Variants in LTBP1 observed in about 807,000 individuals in gnomAD.
LTBP1 encodes the protein latent transforming growth factor beta binding protein 1.
LTBP1 carries 129 observed loss-of-function variants against 207.6 expected under a neutral mutation model. The observed-to-expected ratio is 0.62, with a 90% CI of 0.54 to 0.72. LTBP1 has a LOEUF of 0.72. LTBP1 is among the 30% of genes least tolerant of loss of function. LTBP1 has a pLI of 0.00. For synonymous variants in LTBP1, 963 were observed against 833.7 expected, an observed-to-expected ratio of 1.16 and a Z score of -2.67; for missense variants, 2,281 against 2,217.2, an observed-to-expected ratio of 1.03 and a Z score of -0.58.
At chr2:33,142,439 G>C (rs973541921) in intron 5 of LTBP1, among the ~76,000 whole-genome samples, 1 of 152,126 alleles carries the variant, frequency 6.6e-6, no homozygotes, top group African/African-American at 2.4e-5. Flanking sequence ...AATAAAATTG[G>C]TTCTTGCTTG....
At chr2:33,219,861 T>A (rs764203627) in intron 8 of LTBP1, among the ~76,000 whole-genome samples, 5 of 151,088 alleles carry the variant, frequency 3.3e-5, no homozygotes, top group Non-Finnish European at 7.4e-5. Flanking sequence ...GTCCTTTTAT[T>A]TTTTTTTTAA....
At chr2:33,351,072 G>C (rs1474714085) in intron 26 of LTBP1, among the ~76,000 whole-genome samples, 1 of 152,128 alleles carries the variant, frequency 6.6e-6, no homozygotes, top group Non-Finnish European at 1.5e-5. Flanking sequence ...GGTTGGGGTG[G>C]TTAGTTATAT....
intron 2 of LTBP1, among the ~76,000 whole-genome samples, chr2:32,969,832 T>C (rs767625218): frequency 6.8e-4 from 103 of 151,824 alleles, no homozygotes; most frequent in Non-Finnish European, 1.4e-3. Flanking sequence ...TTTTAAGTTC[T>C]TTGAGAGATC....
At chr2:33,136,415 A>G (rs2082147373) in intron 5 of LTBP1, among the ~76,000 whole-genome samples, 1 of 152,204 alleles carries the variant, frequency 6.6e-6, no homozygotes, top group South Asian at 2.1e-4. Context: ...GATTGTATTT[A>G]ATGACCTCTA....
At chr2:33,170,912 G>C (rs2085378083) in intron 5 of LTBP1, among the ~76,000 whole-genome samples, 1 of 152,152 alleles carries the variant, frequency 6.6e-6, no homozygotes, top group African/African-American at 2.4e-5. Context: ...GTCTGGAGTG[G>C]ACCTCTAGCA....
intron 5 of LTBP1, among the ~76,000 whole-genome samples, chr2:33,169,826 A>G (rs1168403026): frequency 6.6e-6 from 1 of 152,240 alleles, no homozygotes; most frequent in Admixed American, 6.5e-5. Context: ...ATATATGGAT[A>G]ACAAGATAGT....
chr2:33,077,379 G>T (rs977470796), intron 3 of LTBP1, among the ~76,000 whole-genome samples: 5 of 152,172 alleles, frequency 3.3e-5, no homozygotes. Context: ...ACAAAGAAAA[G>T]ATATTTAATT....
chr2:33,200,254 C>T (rs537976352), intron 7 of LTBP1, among the ~76,000 whole-genome samples: 13 of 152,286 alleles, frequency 8.5e-5, no homozygotes, highest in African/African-American at 2.9e-4. Flanking sequence ...ACCAAAACAG[C>T]GTGGTACTGG....
At chr2:33,374,724 T>C (rs10209216) in intron 31 of LTBP1, among the ~76,000 whole-genome samples, 68,776 of 151,764 alleles carry the variant, frequency 0.45, 18,193 homozygotes, top group African/African-American at 0.74. Flanking sequence ...GAGGCCAAGG[T>C]GGGCAGATTC....
chr2:33,170,301 T>A (rs927844755), intron 5 of LTBP1, among the ~76,000 whole-genome samples: 2 of 150,886 alleles, frequency 1.3e-5, no homozygotes, highest in African/African-American at 2.4e-5. Context: ...ACTCCCACCC[T>A]AATACTGCGC....
In LTBP1 at chr2:33,050,071, C is replaced by T. The variant is rs143904350; in HGVS notation, c.863+28865C>T. ...GTTGCCTAGGTTGGTCTCGAACTCC[C>T]GGCCTCAAGCGATCTTCCTGCCTTG... On this transcript the variant is annotated intron_variant, in intron 3 of 33. Coordinates refer to ENST00000404816, the MANE Select transcript of LTBP1 (RefSeq NM_206943.4). 1.6e-3 allele frequency among the ~76,000 whole-genome samples: 242 copies of T among 151,950 alleles called. 7 individuals are homozygous for T. In the South Asian group the frequency reaches 0.03, roughly 19 times the overall value.
rs374388224 is a variant in LTBP1, at chr2:33,181,787, G to A, written c.1202-5069G>A. Among the ~76,000 whole-genome samples the A allele has an allele frequency of 7.8e-4, 119 of 152,244 alleles. 1 individual carries two copies. The highest frequency in any genetic ancestry group is 2.7e-3 in the African/African-American group (112 of 41,554). ...ATCTCAAGTCAACCTTAACAATAACGTACTCTTTTCCTCTTGATGTTCTGA... is the reference window on the plus strand; with the variant it reads ...ATCTCAAGTCAACCTTAACAATAACATACTCTTTTCCTCTTGATGTTCTGA... On this transcript the variant is annotated intron_variant, in intron 5 of 33. Transcript: ENST00000404816.
chr2:33,343,155 A>G (rs1425505483), intron 25 of LTBP1, among the ~76,000 whole-genome samples, 192 bp downstream of exon 25: 1 of 152,168 alleles, frequency 6.6e-6, no homozygotes, highest in African/African-American at 2.4e-5. Context: ...TAACCCCAGC[A>G]CTTTGGGAGG....
At chr2:33,113,299 T>A (rs2080521810) in intron 4 of LTBP1, among the ~76,000 whole-genome samples, 1 of 152,194 alleles carries the variant, frequency 6.6e-6, no homozygotes, top group Non-Finnish European at 1.5e-5. Context: ...TCTTAGCTCA[T>A]AATAGGAGAC....
intron 2 of LTBP1, among the ~76,000 whole-genome samples, chr2:32,955,178 C>T (rs1325498353): frequency 6.6e-6 from 1 of 152,136 alleles, no homozygotes. Context: ...ATTTATGACC[C>T]TTTATGTGGG....
chr2:33,083,586 G>A (rs1313013788), intron 3 of LTBP1, among the ~76,000 whole-genome samples: 1 of 152,126 alleles, frequency 6.6e-6, no homozygotes, highest in Non-Finnish European at 1.5e-5. Context: ...GGTCCCTGCA[G>A]GGGTGATTTC....
chr2:33,373,371 G>A (rs1235264198), intron 31 of LTBP1, among the ~76,000 whole-genome samples: 1 of 152,164 alleles, frequency 6.6e-6, no homozygotes, highest in African/African-American at 2.4e-5. Flanking sequence ...TTACACATCT[G>A]AATCAAAAAT....
At chr2:33,056,285 C>T in intron 3 of LTBP1, 2 of 650,456 alleles carry the variant, frequency 3.1e-6, no homozygotes, top group Non-Finnish European at 2.4e-6. Flanking sequence ...GAGTGTTTCC[C>T]ATCTGAAAGA....
At position 33,351,513 on chromosome 2, in the gene LTBP1, A is replaced by G. The variant is rs190098048; in HGVS notation, c.4000+4003A>G. The stretch of plus-strand genomic sequence containing the variant: ...GGTAAATTTTTAAAAAGTCTCCTGC[A>G]GTATCACCATCCAATATCTGTCACC... On this transcript the variant is annotated intron_variant, in intron 26 of 33. Coordinates refer to ENST00000404816, the MANE Select transcript of LTBP1 (RefSeq NM_206943.4). Among the ~76,000 whole-genome samples, 97 of 152,370 alleles carry G rather than the reference A, an allele frequency of 6.4e-4. 1 individual carries two copies. The highest frequency in any genetic ancestry group is 2.1e-3 in the African/African-American group (87 of 41,590).
Sources: gnomAD v4.1 joint callset for allele counts (sites outside exome capture counted in the v4.1 genomes callset) on GRCh38, gnomAD v4.1.1 for gene constraint, MANE v1.5 for transcripts, NCBI Gene and HGNC (gene_info 2026-07-23, HGNC 2026-07-21) for gene names.